The following CLEC7A variants were observed in gnomAD, a reference collection of about 807,000 sequenced individuals.
The protein encoded by CLEC7A is C-type lectin domain containing 7A.
CLEC7A carries 25 observed loss-of-function variants against 26.9 expected under a neutral mutation model. The ratio of observed to expected loss-of-function variants is 0.93; its 90% confidence interval spans 0.68 to 1.30. The LOEUF (loss-of-function observed/expected upper bound fraction) is 1.30, where lower values mean the gene tolerates loss of function less well. Ranked by LOEUF, CLEC7A falls within the 50% of genes most tolerant of loss-of-function variation. The probability of loss-of-function intolerance (pLI) is 0.00; values close to 1 mark genes in which losing one functional copy is unlikely to be tolerated. For synonymous variants in CLEC7A, 100 were observed against 99.5 expected (o/e 1.01, Z -0.03); for missense variants, 275 against 286.7 (o/e 0.96, Z 0.29).
chr12:10,126,925 AAAGAAAAG>A, intron 2 of CLEC7A: 2 of 852,382 alleles, frequency 2.3e-6, no homozygotes, highest in African/African-American at 1.8e-5. Context: ...AAAAAAAAAA[AAAGAAAAG>A]AAAAAAGAAG....
chr12:10,127,944 G>A (rs903031904), intron 1 of CLEC7A, 99 bp from the exon 2 acceptor site: 17 of 783,478 alleles, frequency 2.2e-5, no homozygotes, highest in Non-Finnish European at 3.3e-5. Context: ...GCCTTGCACG[G>A]TGGCTCACAC....
intron 3 of CLEC7A, 142 bp downstream of exon 3, chr12:10,126,429 C>A: frequency 7.1e-7 from 1 of 1,414,234 alleles, no homozygotes; most frequent in South Asian, 1.8e-5. Context: ...ATACATTACA[C>A]TAAGGTAATA....
At chr12:10,129,563 A>T (rs565361352) in intron 1 of CLEC7A, among the ~76,000 whole-genome samples, 1 of 152,214 alleles carries the variant, frequency 6.6e-6, no homozygotes. Flanking sequence ...CCATAAAAAT[A>T]TACACATCAC....
At chr12:10,121,478 T>A (rs554694007) in intron 5 of CLEC7A, among the ~76,000 whole-genome samples, 5,896 of 152,144 alleles carry the variant, frequency 0.039, 377 homozygotes, top group African/African-American at 0.13. Flanking sequence ...AAGAAGCACG[T>A]AAAAATCACA....
chr12:10,125,327 A>G lies in CLEC7A; in HGVS notation c.462T>C (p.Asn154=), dbSNP rs1235550310. The G allele has an allele frequency of 6.2e-7, 1 of 1,613,630 alleles. No homozygotes were observed. Among genetic ancestry groups the G allele is most frequent in the East Asian group, 2.2e-5 (1 of 44,876 alleles). The change falls in exon 4 of 6, where the codon AAT becomes AAC. Residue 154 remains asparagine (N), a synonymous_variant. Transcript: ENST00000304084. ...SKRQCWQLGS[N]LLKIDSSNEL... ...CATTTGAGCTGTCTATCTTTAGGAGATTAGAGCCCAGTTGCCAGCATTGTC... is the reference window on the plus strand; with the variant it reads ...CATTTGAGCTGTCTATCTTTAGGAGGTTAGAGCCCAGTTGCCAGCATTGTC...
chr12:10,124,592 C>G (rs978300506), intron 4 of CLEC7A, among the ~76,000 whole-genome samples: 7 of 152,102 alleles, frequency 4.6e-5, no homozygotes, highest in African/African-American at 1.7e-4. Context: ...TTTTAACCCT[C>G]TTTGCCTTTC....
At position 10,123,310 on chromosome 12, in the gene CLEC7A, G is replaced by C. The variant is rs771007056; in HGVS notation, c.546C>G (p.Gly182=). Residue 182 remains glycine (G), a synonymous_variant, in exon 5 of 6, where the codon GGC becomes GGG. Transcript: ENST00000304084. ...GTACCTCAGTCTGGGGCCGAGAAAG[G>C]CCTATCCAAAATGAATTATCAGGTT... ...SSQPDNSFWI[G]LSRPQTEVPW... The C allele has an allele frequency of 6.2e-7, 1 of 1,613,470 alleles. No individual in the cohort carries two copies. The highest frequency in any genetic ancestry group is 1.1e-5 in the South Asian group (1 of 91,056).
chr12:10,122,467 G>T (rs1230387944), intron 5 of CLEC7A, among the ~76,000 whole-genome samples: 1 of 148,554 alleles, frequency 6.7e-6, no homozygotes, highest in Admixed American at 6.6e-5. Context: ...TAAGAGGAAA[G>T]CACTCTTTCT....
chr12:10,123,537 A>G (rs10845050), intron 4 of CLEC7A, among the ~76,000 whole-genome samples, 174 bp from the exon 5 acceptor site: 27,187 of 150,080 alleles, frequency 0.18, 4,104 homozygotes, highest in African/African-American at 0.42. Flanking sequence ...CGAGGCGGGT[A>G]GATCATGAGG....
upstream of CLEC7A, chr12:10,130,273 G>A (rs779279202): frequency 4.1e-5 from 18 of 442,772 alleles, 1 homozygote; most frequent in Non-Finnish European, 7.4e-5. Context: ...CTATGCTGTG[G>A]TAATTTTCCA....
Position 10,126,639 on chromosome 12 carries a change from T to C in CLEC7A, c.272A>G (p.Asn91Ser). The change falls in exon 3 of 6, where the codon AAC becomes AGC. Residue 91 changes from asparagine to serine, a missense_variant. By Grantham distance (46) the Asn-to-Ser change is conservative. Coordinates refer to ENST00000304084, the MANE Select transcript of CLEC7A (RefSeq NM_197947.3). ...AGATGATTGTGTGGGTTGACTGTGG[T>C]TCTCTTTATTTCTTGATAGAAAGTA... ...NGYFLSRNKE[N>S]HSQPTQSSLE... 2 of 1,613,040 alleles carry C rather than the reference T, an allele frequency of 1.2e-6. No individual in the cohort carries two copies. The highest frequency in any genetic ancestry group is 1.7e-6 in the Non-Finnish European group (2 of 1,179,584).
intron 2 of CLEC7A, 191 bp downstream of exon 2, chr12:10,127,556 A>G: frequency 8.9e-7 from 1 of 1,126,290 alleles, no homozygotes; most frequent in African/African-American, 1.5e-5. Flanking sequence ...CTGGAAAGGT[A>G]AAATAACCTC....
intron 4 of CLEC7A, 43 bp downstream of exon 4, chr12:10,125,254 A>G: frequency 6.4e-7 from 1 of 1,557,512 alleles, no homozygotes; most frequent in Non-Finnish European, 8.8e-7. Flanking sequence ...ATCTTCCTTC[A>G]GGATACACAC....
At position 10,127,199 on chromosome 12, in the gene CLEC7A, T is replaced by A. The variant is rs1045998936; in HGVS notation, c.203-491A>T. The A allele has an allele frequency of 8.2e-5, 87 of 1,062,736 alleles. No homozygotes were observed. The highest frequency in any genetic ancestry group is 2.0e-4 in the African/African-American group (5 of 25,126). 65.8% of individuals were successfully genotyped at this position (1,062,736 alleles called of 1,614,324 possible). ...CATGTGATATAAAATGTAAAAAAAA[T>A]ATTAATCCATTACAAAATATCGACT... is the stretch of plus-strand genomic sequence containing the variant. On this transcript the variant is annotated intron_variant, in intron 2 of 5. Transcript: ENST00000304084.
In CLEC7A at chr12:10,127,196, A is replaced by T. The variant is rs566030220; in HGVS notation, c.203-488T>A. The T allele has an allele frequency of 9.2e-4, 1,041 of 1,129,038 alleles. 5 individuals carry two copies. The African/African-American group carries it at 0.014, about 15-fold the overall frequency. The allele number at this position is 1,129,038 out of a possible 1,614,324, so 69.9% of individuals were successfully genotyped here. A position where few individuals can be genotyped will look rare whatever the true frequency, so the allele number is the denominator to read the frequency against. On this transcript the variant is annotated intron_variant, in intron 2 of 5. Coordinates refer to ENST00000304084, the MANE Select transcript of CLEC7A (RefSeq NM_197947.3). ...TTGCATGTGATATAAAATGTAAAAA[A>T]AATATTAATCCATTACAAAATATCG...
chr12:10,118,831 A>T (rs11053598), intron 5 of CLEC7A, among the ~76,000 whole-genome samples: 20,071 of 151,446 alleles, frequency 0.13, 1,787 homozygotes, highest in African/African-American at 0.26. Flanking sequence ...TGCATAAACT[A>T]AAAAAAAAGT....
intron 4 of CLEC7A, 100 bp downstream of exon 4, chr12:10,125,197 A>AT: frequency 2.5e-6 from 3 of 1,177,186 alleles, no homozygotes; most frequent in Non-Finnish European, 3.6e-6. Flanking sequence ...AAAAAAAAAA[A>AT]AAGACTTCAT....
At position 10,118,348 on chromosome 12, in the gene CLEC7A, C is replaced by T. The variant is rs926517742; in HGVS notation, c.*110G>A. ...GGTTAAGATTACAGTTGGCCAAGCT[C>T]TCTAAACATTTTCTGCATTTATCTT... On this transcript the variant is annotated 3_prime_UTR_variant, in exon 6 of 6. Transcript: ENST00000304084. 30 of 1,076,462 alleles carry T rather than the reference C, an allele frequency of 2.8e-5. No homozygotes were observed. In the African/African-American group the frequency reaches 4.9e-4, roughly 17 times the overall value. The allele number at this position is 1,076,462 out of a possible 1,614,324, so 66.7% of individuals were successfully genotyped here.
At chr12:10,118,681 GAA>G in intron 5 of CLEC7A, 91 bp from the exon 6 acceptor site, 1 of 1,120,208 alleles carries the variant, frequency 8.9e-7, no homozygotes, top group Non-Finnish European at 1.3e-6. Flanking sequence ...GGATATTGGT[GAA>G]AAGAGTTCTG....
Sources: allele counts gnomAD v4.1 joint callset (sites outside exome capture counted in the v4.1 genomes callset), GRCh38; gene constraint gnomAD v4.1.1; transcripts MANE v1.5; gene names NCBI Gene and HGNC (gene_info 2026-07-23, HGNC 2026-07-21).